Variants in TNS3 observed in about 807,000 individuals in gnomAD.
TNS3 encodes tensin 3, also known as tensin-3.
In TNS3, 45 loss-of-function variants were observed where a neutral mutation model predicts 140.9. The observed-to-expected ratio is 0.32, with a 90% CI of 0.25 to 0.41. TNS3 has a LOEUF of 0.41. Ranked by LOEUF, TNS3 falls within the 10% of genes least tolerant of loss-of-function variation. The probability of loss-of-function intolerance (pLI) is 1.00; values close to 1 mark genes in which losing one functional copy is unlikely to be tolerated. For synonymous variants in TNS3, 815 were observed against 788.4 expected, an observed-to-expected ratio of 1.03 and a Z score of -0.56; for missense variants, 1,716 against 1,906.7, an observed-to-expected ratio of 0.90 and a Z score of 1.86.
At chr7:47,370,870 A>G (rs1791028579) in intron 16 of TNS3, among the ~76,000 whole-genome samples, 1 of 152,230 alleles carries the variant, frequency 6.6e-6, no homozygotes, top group African/African-American at 2.4e-5. Flanking sequence ...TGCCCTGAGC[A>G]TGTGCCTCAC....
chr7:47,308,729 A>G (rs1786902252), intron 20 of TNS3, among the ~76,000 whole-genome samples: 1 of 152,160 alleles, frequency 6.6e-6, no homozygotes, highest in African/African-American at 2.4e-5. Flanking sequence ...ACCCTTCTGT[A>G]TATCACTCAA....
At chr7:47,549,512 C>T (rs1293467467) in intron 1 of TNS3, among the ~76,000 whole-genome samples, 1 of 152,056 alleles carries the variant, frequency 6.6e-6, no homozygotes, top group African/African-American at 2.4e-5. Flanking sequence ...AAGTTCTCTT[C>T]ATGAGCCCAC....
chr7:47,305,567 T>A (rs574090818), intron 20 of TNS3, among the ~76,000 whole-genome samples: 1 of 152,326 alleles, frequency 6.6e-6, no homozygotes, highest in African/African-American at 2.4e-5. Context: ...ACTATGAGGG[T>A]GCAAACCCAT....
At chr7:47,487,165 G>A (rs1297971358) in intron 3 of TNS3, among the ~76,000 whole-genome samples, 3 of 152,210 alleles carry the variant, frequency 2.0e-5, no homozygotes, top group East Asian at 1.9e-4. Flanking sequence ...AGGGCGTGGC[G>A]GCACGTGCCT....
chr7:47,444,746 C>T (rs1168172094), intron 4 of TNS3, among the ~76,000 whole-genome samples: 1 of 152,128 alleles, frequency 6.6e-6, no homozygotes, highest in Non-Finnish European at 1.5e-5. Flanking sequence ...ACAGTAACTC[C>T]AATGTTCAAA....
At chr7:47,291,149 A>C (rs900086288) in intron 27 of TNS3, among the ~76,000 whole-genome samples, 3 of 152,236 alleles carry the variant, frequency 2.0e-5, no homozygotes, top group Admixed American at 6.5e-5. Context: ...AGACAATAAA[A>C]ATATGAGTGG....
At chr7:47,483,421 G>A (rs376268143) in intron 3 of TNS3, among the ~76,000 whole-genome samples, 6 of 152,074 alleles carry the variant, frequency 3.9e-5, no homozygotes, top group African/African-American at 7.2e-5. Context: ...CACCCACCTC[G>A]GCCTCCCAAA....
rs1262622726 is a variant in TNS3 at position 47,389,170 on chromosome 7, AGAAGCAGAAGAAGC to A, written c.1024+7616_1024+7629del. Among the ~76,000 whole-genome samples, 88 of 77,216 alleles carry A rather than the reference AGAAGCAGAAGAAGC, an allele frequency of 1.1e-3. 15 individuals carry two copies. In the East Asian group the frequency reaches 0.031, roughly 27 times the overall value. 50.7% of individuals were successfully genotyped at this position (77,216 alleles called of 152,430 possible). ...AAGAAGAAGAAGCAGAAGAAGCAGCAGAAGCAGAAGAAGCAGAAGAAGAAGAAGAAGAAGAAGAG... is the reference window on the plus strand; with the variant it reads ...AAGAAGAAGAAGCAGAAGAAGCAGCAAGAAGAAGAAGAAGAAGAAGAAGAG... On this transcript the variant is annotated intron_variant, in intron 16 of 30. Coordinates refer to ENST00000311160, the MANE Select transcript of TNS3 (RefSeq NM_022748.12).
At chr7:47,460,930 G>C (rs1008963825) in intron 4 of TNS3, among the ~76,000 whole-genome samples, 2 of 152,180 alleles carry the variant, frequency 1.3e-5, no homozygotes, top group African/African-American at 4.8e-5. Flanking sequence ...AAACCAGAGA[G>C]GTTTTATGTG....
chr7:47,552,520 C>A (rs1011023093), intron 1 of TNS3, among the ~76,000 whole-genome samples: 1 of 152,176 alleles, frequency 6.6e-6, no homozygotes, highest in Non-Finnish European at 1.5e-5. Context: ...TGGAAGCTCT[C>A]ACCATATTTC....
At chr7:47,442,148 T>C (rs2151579528) in intron 4 of TNS3, 93 bp from the exon 5 acceptor site, 1 of 803,084 alleles carries the variant, frequency 1.2e-6, no homozygotes, top group Non-Finnish European at 1.7e-6. Flanking sequence ...TGACAGCCGT[T>C]CCACAGTTTA....
chr7:47,375,676 A>G (rs1327061076), intron 16 of TNS3, among the ~76,000 whole-genome samples: 5 of 152,198 alleles, frequency 3.3e-5, no homozygotes, highest in Admixed American at 6.5e-5. Flanking sequence ...ATATGAAAAC[A>G]TCCCTTCCAT....
At position 47,368,779 on chromosome 7, in the gene TNS3, C is replaced by T. The variant is rs371408432; in HGVS notation, c.1867G>A (p.Val623Ile). 2.4e-5 allele frequency: 39 copies of T among 1,598,712 alleles called. No homozygotes were observed. In the African/African-American group the frequency reaches 2.7e-4, roughly 11 times the overall value. Reference sequence around the variant, plus strand: ...AGTGGCACTCTGGGCTGGGCCTGGACGAGGCCAGGATTGTCTGCAGGGCAG... The same window carrying T: ...AGTGGCACTCTGGGCTGGGCCTGGATGAGGCCAGGATTGTCTGCAGGGCAG... ...SRCPADNPGLVQAQPRVPLTP... is the reference protein window; with the variant it reads ...SRCPADNPGLIQAQPRVPLTP... Residue 623 changes from valine (V) to isoleucine (I), a missense_variant, in exon 17 of 31, where the codon GTC becomes ATC. By Grantham distance (29) the Val-to-Ile change is conservative. This residue lies in a region of TNS3 where 1,163 missense variants were observed against 1,182.1 expected (regional missense o/e 0.98). Transcript: ENST00000311160.
At chr7:47,386,634 G>A (rs768343068) in intron 16 of TNS3, among the ~76,000 whole-genome samples, 1 of 152,202 alleles carries the variant, frequency 6.6e-6, no homozygotes, top group Non-Finnish European at 1.5e-5. Flanking sequence ...CTGAGGCAAC[G>A]AGCCGAGGCG....
intron 10 of TNS3, among the ~76,000 whole-genome samples, chr7:47,421,963 G>A (rs1794394142): frequency 6.6e-6 from 1 of 152,126 alleles, no homozygotes; most frequent in South Asian, 2.1e-4. Flanking sequence ...AAAGCAGCCT[G>A]CAGCGCACCC....
intron 13 of TNS3, among the ~76,000 whole-genome samples, chr7:47,404,864 A>G (rs977696747): frequency 2.5e-4 from 38 of 152,138 alleles, no homozygotes; most frequent in African/African-American, 8.7e-4. Context: ...AGCCTGGGTG[A>G]CAGAGAGACA....
chr7:47,417,309 T>A lies in TNS3; in HGVS notation c.474-2103A>T, dbSNP rs147157755. 2.4e-3 allele frequency among the ~76,000 whole-genome samples: 364 copies of A among 152,348 alleles called. 1 individual carries two copies. Among genetic ancestry groups the A allele is most frequent in the African/African-American group, 8.5e-3 (352 of 41,582 alleles). The stretch of plus-strand genomic sequence containing the variant: ...GGTCACACAGCTTCATTTCTGCTGA[T>A]GTGGCCTGGCCGAAATTGTTGCCCC... On this transcript the variant is annotated intron_variant, in intron 10 of 30. Transcript: ENST00000311160.
intron 10 of TNS3, among the ~76,000 whole-genome samples, chr7:47,421,321 GC>G (rs1562718983): frequency 6.6e-6 from 1 of 152,192 alleles, no homozygotes; most frequent in Non-Finnish European, 1.5e-5. Context: ...AGGCTGGCAT[GC>G]AGTGGGGCAA....
At chr7:47,560,903 C>G (rs1243662915) in intron 1 of TNS3, among the ~76,000 whole-genome samples, 1 of 152,230 alleles carries the variant, frequency 6.6e-6, no homozygotes, top group Non-Finnish European at 1.5e-5. Context: ...CCACATCAGG[C>G]AGGCCATGGG....
Sources: gnomAD v4.1 joint callset for allele counts (sites outside exome capture counted in the v4.1 genomes callset) on GRCh38, gnomAD v4.1.1 for gene constraint, gnomAD v4.1.1 regional missense constraint, MANE v1.5 for transcripts, NCBI Gene and HGNC (gene_info 2026-07-23, HGNC 2026-07-21) for gene names.